PES1: variants seen among roughly 807,000 people sequenced by gnomAD.
The protein encoded by PES1 is pescadillo homolog.
A neutral mutation model predicts 77.1 loss-of-function variants in PES1; 31 were observed. That is an observed-to-expected ratio of 0.40 (90% CI 0.30 to 0.54). The LOEUF (loss-of-function observed/expected upper bound fraction) is 0.54. PES1 is among the 20% of genes least tolerant of loss of function. The pLI is 0.45. For synonymous variants in PES1, 282 were observed against 303.0 expected (o/e 0.93, Z 0.72); for missense variants, 658 against 771.7 (o/e 0.85, Z 1.75).
intron 14 of PES1, among the ~76,000 whole-genome samples, chr22:30,578,101 A>C (rs1776056377): frequency 6.6e-6 from 1 of 152,142 alleles, no homozygotes. Context: ...TGGCCAAGAC[A>C]GTAAAACCCC....
In PES1 at chr22:30,589,203, A is replaced by AAGCTCC; in HGVS notation, c.91_92insGGAGCT (p.Ser30_Leu31insTrpSer). On this transcript the variant is annotated inframe_insertion, in exon 2 of 15. Transcript: ENST00000354694. The stretch of plus-strand genomic sequence containing the variant: ...CCTCTATATTCACCTAAAGTCAGCC[A>AAGCTCC]AGCTCAGCTGGAGCTTCTTCCGGGC... 6.2e-7 allele frequency: 1 copy of AAGCTCC among 1,613,878 alleles called. No homozygotes were observed. Among genetic ancestry groups the AAGCTCC allele is most frequent in the Non-Finnish European group, 8.5e-7 (1 of 1,179,852 alleles).
intron 2 of PES1, among the ~76,000 whole-genome samples, chr22:30,598,995 C>T (rs568323165): frequency 3.0e-5 from 4 of 134,280 alleles, no homozygotes; most frequent in Admixed American, 1.7e-4. Flanking sequence ...TTCCTGGGTT[C>T]GAAGCGATTC....
intron 4 of PES1, 168 bp downstream of exon 4, chr22:30,587,118 G>A (rs936216476): frequency 8.3e-6 from 5 of 600,384 alleles, no homozygotes; most frequent in African/African-American, 3.7e-5. Flanking sequence ...TACAAACCTC[G>A]TAATCATTAT....
chr22:30,606,143 G>A (rs1439489578), intron 1 of PES1, among the ~76,000 whole-genome samples: 1 of 152,172 alleles, frequency 6.6e-6, no homozygotes, highest in South Asian at 2.1e-4. Flanking sequence ...TTCCCTGTTT[G>A]CAGAGATTTT....
At chr22:30,579,526 C>T (rs2072196) in intron 12 of PES1, 197,278 of 729,248 alleles carry the variant, frequency 0.27, 27,428 homozygotes, top group Middle Eastern at 0.33. Flanking sequence ...CCAATGTAAA[C>T]TCTGATGACA....
chr22:30,578,519 T>C (rs537371324), intron 14 of PES1, among the ~76,000 whole-genome samples: 1 of 151,268 alleles, frequency 6.6e-6, no homozygotes, highest in Non-Finnish European at 1.5e-5. Flanking sequence ...TTAACAAAGC[T>C]CCCCCCCGCC....
intron 14 of PES1, 71 bp from the exon 15 acceptor site, chr22:30,577,200 G>T: frequency 7.9e-7 from 1 of 1,263,752 alleles, no homozygotes; most frequent in Non-Finnish European, 1.2e-6. Context: ...AGAACTCAAA[G>T]CTATATCCCT....
At chr22:30,599,010 ATC>A (rs2087313173) in intron 2 of PES1, among the ~76,000 whole-genome samples, 1 of 144,226 alleles carries the variant, frequency 6.9e-6, no homozygotes. Flanking sequence ...CGATTCTCCT[ATC>A]TCAGCCTCCT....
chr22:30,591,940 T>C (rs994311247), upstream of PES1: 1 of 1,453,076 alleles, frequency 6.9e-7, no homozygotes, highest in African/African-American at 1.4e-5. Context: ...CCACGCTGTC[T>C]GTTTGTGCGG....
At chr22:30,577,988 A>G (rs1033990819) in intron 14 of PES1, among the ~76,000 whole-genome samples, 1 of 152,156 alleles carries the variant, frequency 6.6e-6, no homozygotes, top group Non-Finnish European at 1.5e-5. Flanking sequence ...GGTTAAATGA[A>G]AATTACAACT....
intron 12 of PES1, 158 bp downstream of exon 12, chr22:30,579,593 G>A (rs2146458317): frequency 2.8e-6 from 2 of 716,202 alleles, no homozygotes; most frequent in East Asian, 2.7e-5. Flanking sequence ...CTGACCCCAG[G>A]AGGTAGATGT....
At chr22:30,605,741 G>A (rs1224607100) in intron 1 of PES1, among the ~76,000 whole-genome samples, 1 of 152,164 alleles carries the variant, frequency 6.6e-6, no homozygotes, top group Non-Finnish European at 1.5e-5. Flanking sequence ...CAGCCTTTCT[G>A]ACTGGACAAC....
At chr22:30,605,491 C>T (rs1166986363) in exon 2 of PES1, 11 of 985,210 alleles carry the variant, frequency 1.1e-5, no homozygotes, top group Non-Finnish European at 1.3e-5. Flanking sequence ...GGCTATCCTC[C>T]ATGGCCACCT....
At chr22:30,584,306 A>G in intron 6 of PES1, 59 bp downstream of exon 6, 1 of 1,308,368 alleles carries the variant, frequency 7.6e-7, no homozygotes, top group Non-Finnish European at 1.1e-6. Context: ...CCCTTCCTCC[A>G]CATCCATATC....
chr22:30,600,729 T>G (rs1161928270), intron 2 of PES1, among the ~76,000 whole-genome samples: 1 of 152,050 alleles, frequency 6.6e-6, no homozygotes. Context: ...GGCAGGAGAA[T>G]GGCGTGAACC....
At chr22:30,587,426 T>G in intron 3 of PES1, 31 bp from the exon 4 acceptor site, 4 of 1,527,120 alleles carry the variant, frequency 2.6e-6, no homozygotes, top group Non-Finnish European at 3.6e-6. Flanking sequence ...ACCTCAATGC[T>G]GAGGCTCAGG....
upstream of PES1, among the ~76,000 whole-genome samples, chr22:30,592,648 T>G (rs1438146580): frequency 6.6e-6 from 1 of 151,982 alleles, no homozygotes; most frequent in African/African-American, 2.4e-5. Flanking sequence ...AATACAAAAA[T>G]TAGCTGGCCA....
chr22:30,590,534 G>A (rs2087160822), intron 1 of PES1, among the ~76,000 whole-genome samples: 1 of 152,140 alleles, frequency 6.6e-6, no homozygotes, highest in African/African-American at 2.4e-5. Flanking sequence ...ATGAGTTTCA[G>A]ACTGCCTTAA....
At chr22:30,586,820 G>A (rs2087098156) in intron 4 of PES1, among the ~76,000 whole-genome samples, 1 of 152,186 alleles carries the variant, frequency 6.6e-6, no homozygotes, top group Non-Finnish European at 1.5e-5. Flanking sequence ...CGTGGTGGTG[G>A]TGTCTGTAAT....
Sources: allele counts gnomAD v4.1 joint callset (sites outside exome capture counted in the v4.1 genomes callset), GRCh38; gene constraint gnomAD v4.1.1; transcripts MANE v1.5; gene names NCBI Gene and HGNC (gene_info 2026-07-23, HGNC 2026-07-21).